The following KIF16B variants were observed in gnomAD, a reference collection of about 807,000 sequenced individuals.
The protein encoded by KIF16B is kinesin family member 16B.
In KIF16B, 98 loss-of-function variants were observed where a neutral mutation model predicts 156.3. The observed-to-expected ratio is 0.63, with a 90% CI of 0.53 to 0.74. The LOEUF (loss-of-function observed/expected upper bound fraction) is 0.74. Among genes scored for constraint, KIF16B ranks in the 30% least tolerant of loss-of-function variants. The probability of loss-of-function intolerance (pLI) is 0.00; values close to 1 mark genes in which losing one functional copy is unlikely to be tolerated. For synonymous variants in KIF16B, 564 were observed against 583.7 expected (o/e 0.97, Z 0.49); for missense variants, 1,421 against 1,606.5 (o/e 0.88, Z 1.97).
intron 3 of KIF16B, among the ~76,000 whole-genome samples, chr20:16,524,228 T>C (rs534655522): frequency 1.1e-3 from 168 of 152,086 alleles, no homozygotes; most frequent in South Asian, 9.3e-3. Flanking sequence ...ATCATCAGAG[T>C]GAACAGGCAA....
At chr20:16,464,656 C>T (rs1040399822) in intron 12 of KIF16B, among the ~76,000 whole-genome samples, 7 of 152,086 alleles carry the variant, frequency 4.6e-5, no homozygotes, top group African/African-American at 7.2e-5. Context: ...AGGCCCCTGC[C>T]CTCTAGTTCC....
intron 24 of KIF16B, among the ~76,000 whole-genome samples, chr20:16,329,220 A>C (rs1015724836): frequency 1.3e-5 from 2 of 152,150 alleles, no homozygotes; most frequent in Non-Finnish European, 2.9e-5. Flanking sequence ...TGTGGTTTTA[A>C]AAGTTTTTTT....
intron 23 of KIF16B, among the ~76,000 whole-genome samples, chr20:16,340,781 A>G (rs182955291): frequency 1.3e-3 from 195 of 152,308 alleles, no homozygotes; most frequent in Middle Eastern, 6.8e-3. Context: ...TTTGGGTATC[A>G]TTCTTCTTTC....
intron 1 of KIF16B, among the ~76,000 whole-genome samples, chr20:16,551,753 A>G (rs2070674534): frequency 6.6e-6 from 1 of 152,152 alleles, no homozygotes; most frequent in Non-Finnish European, 1.5e-5. Context: ...GTTCCTTGCA[A>G]TCAAGCATAG....
intron 19 of KIF16B, among the ~76,000 whole-genome samples, chr20:16,377,931 C>T (rs1221288637): frequency 6.6e-6 from 1 of 152,140 alleles, no homozygotes; most frequent in African/African-American, 2.4e-5. Context: ...TTTTATTTTT[C>T]ACAACAACAA....
Position 16,335,988 on chromosome 20 carries a change from C to T in KIF16B, c.3649G>A (p.Val1217Ile), listed in dbSNP as rs2064029677. 4 of 1,608,736 alleles carry T rather than the reference C, an allele frequency of 2.5e-6. No individual in the cohort carries two copies. The highest frequency in any genetic ancestry group is 3.4e-6 in the Non-Finnish European group (4 of 1,176,890). ...CGAAAACGACTGTAACGCCTGAATA[C>T]AGTCCATGTCTCATCTAGGACAGTA... ...KITVLDETWT[V>I]FRRYSRFREM... The change falls in exon 24 of 26, where the codon GTA becomes ATA. Residue 1217 changes from valine (V) to isoleucine (I), a missense_variant. Coordinates refer to ENST00000354981, the MANE Select transcript of KIF16B (RefSeq NM_024704.5).
intron 23 of KIF16B, among the ~76,000 whole-genome samples, chr20:16,339,398 C>G (rs1034513510): frequency 6.6e-6 from 1 of 152,122 alleles, no homozygotes; most frequent in Admixed American, 6.5e-5. Context: ...TTCTAAACAT[C>G]GAGTCCTCCA....
chr20:16,497,465 G>A (rs750442819), intron 11 of KIF16B, 148 bp downstream of exon 11: 9 of 653,946 alleles, frequency 1.4e-5, no homozygotes, highest in Non-Finnish European at 2.5e-5. Context: ...CAGCTATCGT[G>A]CTTCTTCAAA....
intron 1 of KIF16B, among the ~76,000 whole-genome samples, chr20:16,530,425 C>G (rs1049801384): frequency 6.6e-6 from 1 of 152,166 alleles, no homozygotes; most frequent in Non-Finnish European, 1.5e-5. Context: ...CTGTTTGAGC[C>G]CTGGCAGTGT....
intron 1 of KIF16B, among the ~76,000 whole-genome samples, chr20:16,551,628 C>A (rs755338665): frequency 2.0e-5 from 3 of 152,204 alleles, no homozygotes; most frequent in Non-Finnish European, 4.4e-5. Flanking sequence ...AAGAATTCAT[C>A]CCAGAATCCT....
chr20:16,273,137 G>T lies in KIF16B; in HGVS notation c.*116C>A. On this transcript the variant is annotated 3_prime_UTR_variant, in exon 26 of 26. Transcript: ENST00000354981. ...AGGTGGCCCGGGCCCGCTGCTGCATGTCTGTCTTCAGCAGGAGGAGGCAGA... is the reference window on the plus strand; with the variant it reads ...AGGTGGCCCGGGCCCGCTGCTGCATTTCTGTCTTCAGCAGGAGGAGGCAGA... 1.2e-6 allele frequency: 1 copy of T among 866,530 alleles called. No homozygotes were observed. The highest frequency in any genetic ancestry group is 1.9e-6 in the Non-Finnish European group (1 of 532,064). 53.7% of individuals were successfully genotyped at this position (866,530 alleles called of 1,614,324 possible). A position where few individuals can be genotyped will look rare whatever the true frequency, so the allele number is the denominator to read the frequency against.
At chr20:16,515,923 A>C (rs752175008) in intron 3 of KIF16B, among the ~76,000 whole-genome samples, 3 of 152,252 alleles carry the variant, frequency 2.0e-5, no homozygotes, top group Non-Finnish European at 4.4e-5. Flanking sequence ...AAGTATAAAA[A>C]TGTAAACAAG....
chr20:16,552,557 C>G (rs930781523), intron 1 of KIF16B, among the ~76,000 whole-genome samples: 7 of 152,132 alleles, frequency 4.6e-5, no homozygotes, highest in African/African-American at 1.4e-4. Context: ...CCCAACCCCC[C>G]ACCATGGGCT....
intron 12 of KIF16B, among the ~76,000 whole-genome samples, chr20:16,478,874 G>A (rs908420949): frequency 2.0e-5 from 3 of 152,094 alleles, no homozygotes; most frequent in African/African-American, 7.2e-5. Flanking sequence ...CATTCACTAG[G>A]GGTCTTGAAA....
intron 22 of KIF16B, chr20:16,368,512 C>A (rs2064735100): frequency 2.0e-6 from 2 of 986,034 alleles, no homozygotes; most frequent in African/African-American, 1.7e-5. Context: ...CCCCACAAGC[C>A]TGGCTTGGCT....
At chr20:16,441,313 T>C (rs1218196280) in intron 12 of KIF16B, among the ~76,000 whole-genome samples, 1 of 152,152 alleles carries the variant, frequency 6.6e-6, no homozygotes, top group Non-Finnish European at 1.5e-5. Context: ...CCCTCCGGCC[T>C]GTGCTCTAGT....
chr20:16,280,840 A>ATG (rs1568808726), intron 25 of KIF16B, among the ~76,000 whole-genome samples: 2 of 131,402 alleles, frequency 1.5e-5, no homozygotes, highest in African/African-American at 5.8e-5. Flanking sequence ...CTGCGCGCGC[A>ATG]CGTGTGTGTG....
At chr20:16,348,025 T>A (rs2064266169) in intron 23 of KIF16B, among the ~76,000 whole-genome samples, 1 of 152,222 alleles carries the variant, frequency 6.6e-6, no homozygotes. Context: ...TTTCTAGGCA[T>A]TTCTTCTTCA....
chr20:16,302,029 C>A (rs1281743699), intron 25 of KIF16B, among the ~76,000 whole-genome samples: 4 of 152,068 alleles, frequency 2.6e-5, no homozygotes, highest in African/African-American at 9.7e-5. Context: ...GGAATTACAC[C>A]CCTTTATCAG....
Sources: allele counts gnomAD v4.1 joint callset (sites outside exome capture counted in the v4.1 genomes callset), GRCh38; gene constraint gnomAD v4.1.1; transcripts MANE v1.5; gene names NCBI Gene and HGNC (gene_info 2026-07-23, HGNC 2026-07-21).